AMBRA1: variants seen among roughly 807,000 people sequenced by gnomAD.
AMBRA1 encodes the protein autophagy and beclin 1 regulator 1.
In AMBRA1, 47 loss-of-function variants were observed where a neutral mutation model predicts 125.4. That is an observed-to-expected ratio of 0.37 (90% CI 0.30 to 0.48). AMBRA1 has a LOEUF of 0.48. AMBRA1 is among the 20% of genes least tolerant of loss of function. The pLI, the probability that AMBRA1 is intolerant of heterozygous loss-of-function variation, is 0.99. For synonymous variants in AMBRA1, 626 were observed against 655.5 expected (o/e 0.95, Z 0.69); for missense variants, 1,331 against 1,693.4 (o/e 0.79, Z 3.76).
At chr11:46,438,135 T>C (rs1257061062) in intron 12 of AMBRA1, among the ~76,000 whole-genome samples, 2 of 151,788 alleles carry the variant, frequency 1.3e-5, no homozygotes, top group Non-Finnish European at 2.9e-5. Context: ...AAAAAACATA[T>C]TGGAAAAAAA....
chr11:46,493,654 T>TCCA lies in AMBRA1; in HGVS notation c.2472_2474dup (p.Gly825dup). On this transcript the variant is annotated inframe_insertion, in exon 11 of 18. Transcript: ENST00000683756. ...AAGAGTGAGTAGCCAAGCCAGGCTG[T>TCCA]CCACGTTCATGAAAAATCCCAGCAT... The TCCA allele has an allele frequency of 6.2e-7, 1 of 1,604,626 alleles. No homozygotes were observed. The highest frequency in any genetic ancestry group is 1.1e-5 in the South Asian group (1 of 88,852).
At chr11:46,547,376 T>C in intron 3 of AMBRA1, 80 bp from the exon 4 acceptor site, 1 of 1,262,708 alleles carries the variant, frequency 7.9e-7, no homozygotes, top group Non-Finnish European at 1.1e-6. Context: ...CGACATAGAA[T>C]ATTGATGCTA....
At chr11:46,523,769 C>T (rs1444946757) in intron 7 of AMBRA1, among the ~76,000 whole-genome samples, 3 of 152,176 alleles carry the variant, frequency 2.0e-5, no homozygotes, top group African/African-American at 4.8e-5. Flanking sequence ...GAGAGAAAGG[C>T]GTGACACAAG....
chr11:46,425,310 T>TTGTGTGTGTGTGTGTGTG (rs34321655), intron 14 of AMBRA1, among the ~76,000 whole-genome samples: 15 of 135,590 alleles, frequency 1.1e-4, no homozygotes, highest in African/African-American at 1.5e-4. Context: ...CTTGATCCAT[T>TTGTGTGTGTGTGTGTGTG]TGTGTGTGTG....
At chr11:46,442,275 T>G (rs529698577) in intron 12 of AMBRA1, among the ~76,000 whole-genome samples, 1 of 152,106 alleles carries the variant, frequency 6.6e-6, no homozygotes, top group Admixed American at 6.5e-5. Context: ...CCCGAGTAGC[T>G]GGGAAAACAG....
intron 14 of AMBRA1, chr11:46,429,105 A>T: frequency 6.2e-6 from 10 of 1,606,922 alleles, no homozygotes; most frequent in Non-Finnish European, 7.6e-6. Context: ...CCCTCCTTAA[A>T]AAGGAGTTCA....
chr11:46,450,490 AG>A (rs943614506), intron 11 of AMBRA1, among the ~76,000 whole-genome samples: 1 of 150,928 alleles, frequency 6.6e-6, no homozygotes, highest in Non-Finnish European at 1.5e-5. Context: ...CCCAGGCTGG[AG>A]TGCAGTGGTG....
intron 1 of AMBRA1, among the ~76,000 whole-genome samples, chr11:46,585,695 A>T (rs868640515): frequency 9.6e-4 from 22 of 22,892 alleles, no homozygotes; most frequent in African/African-American, 1.6e-3. Context: ...AAAAAAAAAA[A>T]ATATATATAT....
At chr11:46,423,727 G>C (rs1014149882) in intron 14 of AMBRA1, among the ~76,000 whole-genome samples, 1 of 147,204 alleles carries the variant, frequency 6.8e-6, no homozygotes, top group Non-Finnish European at 1.5e-5. Context: ...TGTTCTGACA[G>C]AGCAGGACTA....
At chr11:46,425,861 A>G (rs1207445464) in intron 14 of AMBRA1, among the ~76,000 whole-genome samples, 2 of 151,662 alleles carry the variant, frequency 1.3e-5, no homozygotes, top group Non-Finnish European at 2.9e-5. Context: ...AAAAGAAAAC[A>G]GCGGGCTGGG....
In AMBRA1 at chr11:46,556,918, C is replaced by A. The variant is rs558310669; in HGVS notation, c.-120-8418G>T. On this transcript the variant is annotated intron_variant, in intron 1 of 17. Coordinates refer to ENST00000683756, the MANE Select transcript of AMBRA1 (RefSeq NM_001387011.1). ...TTGGGAGGCTGAGGCGGGTGGATCA[C>A]CTGAGGTCAGGAGTTCAAGACCAGC... is the stretch of plus-strand genomic sequence containing the variant. Among the ~76,000 whole-genome samples the A allele has an allele frequency of 8.3e-4, 127 of 152,212 alleles. 1 individual carries two copies. The highest frequency in any genetic ancestry group is 3.0e-3 in the African/African-American group (125 of 41,540).
rs185516077 is a variant in AMBRA1 at position 46,578,986 on chromosome 11, A to C, written c.-121+14842T>G. Among the ~76,000 whole-genome samples, 1,056 of 150,406 alleles carry C rather than the reference A, an allele frequency of 7.0e-3. 7 individuals are homozygous for C. The highest frequency in any genetic ancestry group is 0.012 in the Non-Finnish European group (779 of 67,618). ...AGCCAATAAACAAGTGAATGAATAA[A>C]GAGGTTAACCAAGCACCTCAGCTAA... is the stretch of plus-strand genomic sequence containing the variant. On this transcript the variant is annotated intron_variant, in intron 1 of 17. Transcript: ENST00000683756.
intron 1 of AMBRA1, among the ~76,000 whole-genome samples, chr11:46,557,131 C>A: frequency 7.2e-6 from 1 of 139,580 alleles, no homozygotes. Context: ...AGCGAAACTC[C>A]ATCTCAAAAA....
chr11:46,497,544 C>A (rs1488821114), intron 9 of AMBRA1, among the ~76,000 whole-genome samples: 1 of 152,106 alleles, frequency 6.6e-6, no homozygotes, highest in Non-Finnish European at 1.5e-5. Flanking sequence ...CCAGCACGAC[C>A]AGGAAAATGT....
rs1333527755 is a variant in AMBRA1, at chr11:46,432,551, TC to T, written c.2976+922del. On this transcript the variant is annotated intron_variant, in intron 14 of 17. Transcript: ENST00000683756. Reference sequence around the variant, plus strand: ...AGTTTTTTTATTTAAAACAAATGCTTCCCATTCCAGATATTCAACAGCCATC... The same window carrying T: ...AGTTTTTTTATTTAAAACAAATGCTTCCATTCCAGATATTCAACAGCCATC... 3.3e-5 allele frequency among the ~76,000 whole-genome samples: 5 copies of T among 152,220 alleles called. No individual in the cohort carries two copies. The South Asian group carries it at 8.3e-4, about 25-fold the overall frequency.
chr11:46,546,528 C>T (rs1169863759), intron 4 of AMBRA1, among the ~76,000 whole-genome samples: 5 of 151,886 alleles, frequency 3.3e-5, no homozygotes, highest in Admixed American at 3.3e-4. Flanking sequence ...ATCTTAGAGC[C>T]TCCTGTACTA....
chr11:46,539,130 C>T (rs11819869), intron 7 of AMBRA1, among the ~76,000 whole-genome samples: 39,192 of 151,686 alleles, frequency 0.26, 7,097 homozygotes, highest in African/African-American at 0.52. Context: ...TAAAGAAAGC[C>T]AGCCAAGCAT....
intron 11 of AMBRA1, among the ~76,000 whole-genome samples, chr11:46,458,940 C>T (rs1281208439): frequency 1.3e-5 from 2 of 152,148 alleles, no homozygotes; most frequent in African/African-American, 4.8e-5. Flanking sequence ...TTATACAGAA[C>T]CAAATCATAA....
chr11:46,544,145 G>GTGATACCAGT, intron 5 of AMBRA1, 104 bp from the exon 6 acceptor site: 4 of 839,712 alleles, frequency 4.8e-6, no homozygotes, highest in Non-Finnish European at 7.8e-6. Flanking sequence ...CTGATAACTG[G>GTGATACCAGT]TATCACTCAG....
Sources: allele counts gnomAD v4.1 joint callset (sites outside exome capture counted in the v4.1 genomes callset), GRCh38; gene constraint gnomAD v4.1.1; transcripts MANE v1.5; gene names NCBI Gene and HGNC (gene_info 2026-07-23, HGNC 2026-07-21).